Variants in B3GALT1 observed in about 807,000 individuals in gnomAD.
The protein encoded by B3GALT1 is beta-1,3-galactosyltransferase 1.
B3GALT1 carries 10 observed loss-of-function variants against 23.2 expected under a neutral mutation model. That is an observed-to-expected ratio of 0.43 (90% CI 0.27 to 0.73). B3GALT1 has a LOEUF of 0.73. B3GALT1 is among the 30% of genes least tolerant of loss of function. The probability of loss-of-function intolerance (pLI) is 0.21; values close to 1 mark genes in which losing one functional copy is unlikely to be tolerated. For missense variants in B3GALT1, 299 were observed against 405.4 expected (o/e 0.74, Z 2.25); for synonymous variants, 156 against 141.5 (o/e 1.10, Z -0.73).
chr2:167,543,442 G>C (rs2105375159), intron 2 of B3GALT1, among the ~76,000 whole-genome samples: 1 of 152,228 alleles, frequency 6.6e-6, no homozygotes, highest in South Asian at 2.1e-4. Context: ...CACATATGAA[G>C]ATATAAGGTA....
At position 167,346,785 on chromosome 2, in the gene B3GALT1, T is replaced by C. The variant is rs937666101; in HGVS notation, c.-511+53451T>C. On this transcript the variant is annotated intron_variant, in intron 1 of 4. Coordinates refer to ENST00000392690, the MANE Select transcript of B3GALT1 (RefSeq NM_020981.4). The stretch of plus-strand genomic sequence containing the variant: ...GCGTGTGTGTGTGTGTGCGTGTGTG[T>C]GCGTATACCTGTAATTTAGTGAGAT... Among the ~76,000 whole-genome samples, 8 of 151,660 alleles carry C rather than the reference T, an allele frequency of 5.3e-5. No individual in the cohort carries two copies. In the East Asian group the frequency reaches 7.8e-4, roughly 15 times the overall value.
intron 1 of B3GALT1, among the ~76,000 whole-genome samples, chr2:167,295,109 T>G (rs1574021049): frequency 6.6e-6 from 1 of 152,232 alleles, no homozygotes; most frequent in African/African-American, 2.4e-5. Flanking sequence ...TACGATAAAC[T>G]AGTAGTGATG....
chr2:167,417,586 T>C (rs1419988559), intron 1 of B3GALT1, among the ~76,000 whole-genome samples: 1 of 152,386 alleles, frequency 6.6e-6, no homozygotes, highest in East Asian at 1.9e-4. Context: ...AGTCAAGATC[T>C]GTGCTTTCTT....
intron 2 of B3GALT1, among the ~76,000 whole-genome samples, chr2:167,560,117 C>T (rs1361580271): frequency 6.6e-6 from 1 of 152,188 alleles, no homozygotes; most frequent in Non-Finnish European, 1.5e-5. Context: ...TCAGCAGAAA[C>T]TCTACAAGCC....
intron 2 of B3GALT1, among the ~76,000 whole-genome samples, chr2:167,569,154 T>A (rs902199377): frequency 1.3e-5 from 2 of 151,978 alleles, no homozygotes; most frequent in African/African-American, 4.8e-5. Flanking sequence ...AGTCAGATAA[T>A]GTCAGTTCTC....
intron 1 of B3GALT1, among the ~76,000 whole-genome samples, chr2:167,406,425 A>G (rs1454748585): frequency 2.0e-5 from 3 of 152,068 alleles, no homozygotes; most frequent in Non-Finnish European, 4.4e-5. Flanking sequence ...GGAGCCACAG[A>G]AAAGTGGAGA....
intron 2 of B3GALT1, among the ~76,000 whole-genome samples, chr2:167,519,073 A>T (rs199867022): frequency 0.012 from 1,789 of 150,946 alleles, 76 homozygotes; most frequent in East Asian, 0.11. Flanking sequence ...AACAAATACA[A>T]TTTCTTTTTT....
At chr2:167,639,623 A>G (rs566134129) in intron 2 of B3GALT1, among the ~76,000 whole-genome samples, 10 of 152,048 alleles carry the variant, frequency 6.6e-5, no homozygotes, top group Admixed American at 3.3e-4. Context: ...AGATACAGAG[A>G]TGGACAATAT....
At chr2:167,446,016 C>G (rs568533695) in intron 1 of B3GALT1, among the ~76,000 whole-genome samples, 1 of 152,234 alleles carries the variant, frequency 6.6e-6, no homozygotes, top group African/African-American at 2.4e-5. Context: ...TGTTCCTTTC[C>G]ATGTTTAGTG....
chr2:167,627,794 C>G (rs1297961395), intron 2 of B3GALT1, among the ~76,000 whole-genome samples: 1 of 151,602 alleles, frequency 6.6e-6, no homozygotes, highest in Admixed American at 6.6e-5. Context: ...TTCCCACCAG[C>G]CATATGTGAA....
chr2:167,843,969 T>C (rs113724076), intron 4 of B3GALT1, among the ~76,000 whole-genome samples: 1 of 152,210 alleles, frequency 6.6e-6, no homozygotes, highest in African/African-American at 2.4e-5. Context: ...CATCTGTCCC[T>C]ATATTCATAT....
At chr2:167,797,004 T>C (rs1392785262) in intron 3 of B3GALT1, among the ~76,000 whole-genome samples, 2 of 152,218 alleles carry the variant, frequency 1.3e-5, no homozygotes, top group African/African-American at 2.4e-5. Context: ...TTAAGGTACA[T>C]GTGCAGGACG....
intron 2 of B3GALT1, among the ~76,000 whole-genome samples, chr2:167,611,086 C>T (rs1204886083): frequency 1.3e-5 from 2 of 151,666 alleles, no homozygotes; most frequent in Non-Finnish European, 2.9e-5. Flanking sequence ...ACCAAACCCC[C>T]ATGACACACA....
chr2:167,497,481 C>A (rs547069430), intron 2 of B3GALT1, among the ~76,000 whole-genome samples: 16 of 152,220 alleles, frequency 1.1e-4, no homozygotes, highest in African/African-American at 3.9e-4. Flanking sequence ...GTACCGATCA[C>A]CAACTACTAA....
chr2:167,712,161 T>A (rs1652060339), intron 3 of B3GALT1, among the ~76,000 whole-genome samples: 1 of 152,192 alleles, frequency 6.6e-6, no homozygotes, highest in African/African-American at 2.4e-5. Flanking sequence ...TAATCCAAAC[T>A]TTTAATAATG....
chr2:167,696,745 A>G (rs564383134), intron 3 of B3GALT1, among the ~76,000 whole-genome samples: 1 of 152,328 alleles, frequency 6.6e-6, no homozygotes, highest in East Asian at 1.9e-4. Flanking sequence ...ATGGTAACAT[A>G]AATAATAGCA....
At chr2:167,695,864 G>A (rs182713077) in intron 3 of B3GALT1, among the ~76,000 whole-genome samples, 10 of 152,112 alleles carry the variant, frequency 6.6e-5, no homozygotes, top group African/African-American at 1.9e-4. Context: ...GATGGCTACC[G>A]TTGCTCCCAC....
chr2:167,636,978 A>G (rs886078940), intron 2 of B3GALT1, among the ~76,000 whole-genome samples: 3 of 151,998 alleles, frequency 2.0e-5, no homozygotes, highest in Non-Finnish European at 2.9e-5. Context: ...CCCAGAACTT[A>G]AAGTATAATA....
chr2:167,845,676 G>A (rs1241950174), intron 4 of B3GALT1, among the ~76,000 whole-genome samples: 1 of 151,966 alleles, frequency 6.6e-6, no homozygotes, highest in Non-Finnish European at 1.5e-5. Context: ...CTGGTAATAT[G>A]ACAAAACAAG....
Sources: gnomAD v4.1 joint callset for allele counts (sites outside exome capture counted in the v4.1 genomes callset) on GRCh38, gnomAD v4.1.1 for gene constraint, MANE v1.5 for transcripts, NCBI Gene and HGNC (gene_info 2026-07-23, HGNC 2026-07-21) for gene names.